The following CNTN5 variants were observed in gnomAD, a reference collection of about 807,000 sequenced individuals.
CNTN5 encodes the protein contactin-5.
CNTN5 carries 77 observed loss-of-function variants against 129.1 expected under a neutral mutation model. The ratio of observed to expected loss-of-function variants is 0.60; its 90% CI spans 0.50 to 0.72. The LOEUF (loss-of-function observed/expected upper bound fraction) is 0.72. CNTN5 is among the 30% of genes least tolerant of loss of function. The pLI is 0.00. For missense variants in CNTN5, 1,478 were observed against 1,328.8 expected (o/e 1.11, Z -1.75); for synonymous variants, 509 against 465.6 (o/e 1.09, Z -1.20).
intron 1 of CNTN5, among the ~76,000 whole-genome samples, chr11:99,323,421 C>T (rs1361527023): frequency 6.6e-6 from 1 of 152,076 alleles, no homozygotes; most frequent in South Asian, 2.1e-4. Flanking sequence ...ACAACCATCA[C>T]CACAACAATA....
At chr11:99,889,332 G>GTGTT (rs1948993182) in intron 6 of CNTN5, among the ~76,000 whole-genome samples, 4 of 47,530 alleles carry the variant, frequency 8.4e-5, no homozygotes, top group African/African-American at 2.4e-4. Context: ...GTGTGTGTGT[G>GTGTT]TGTGTGTGTG....
intron 2 of CNTN5, among the ~76,000 whole-genome samples, chr11:99,493,946 A>G (rs1946131365): frequency 6.6e-6 from 1 of 152,228 alleles, no homozygotes; most frequent in Admixed American, 6.5e-5. Context: ...ATTAAATTTA[A>G]TAACTTTAAA....
At chr11:99,561,742 C>T (rs2050125105) in intron 3 of CNTN5, among the ~76,000 whole-genome samples, 1 of 834 alleles carries the variant, frequency 1.2e-3, no homozygotes, top group Admixed American at 0.022. Flanking sequence ...TCGAAGTCAT[C>T]AAAACTTAGG....
intron 1 of CNTN5, among the ~76,000 whole-genome samples, chr11:99,281,089 A>T (rs2135888433): frequency 6.6e-6 from 1 of 152,068 alleles, no homozygotes; most frequent in Middle Eastern, 3.4e-3. Flanking sequence ...GAAGATATTA[A>T]TCAGAATAAG....
At chr11:99,168,177 C>G (rs1413719301) in intron 1 of CNTN5, among the ~76,000 whole-genome samples, 3 of 152,098 alleles carry the variant, frequency 2.0e-5, no homozygotes, top group African/African-American at 7.2e-5. Context: ...CTCCTGGGCT[C>G]AAGTGATCTG....
intron 2 of CNTN5, among the ~76,000 whole-genome samples, chr11:99,334,971 T>C (rs371895620): frequency 8.5e-5 from 13 of 152,138 alleles, no homozygotes; most frequent in Non-Finnish European, 1.9e-4. Context: ...CAAAGCCAAA[T>C]AGACATGCTT....
At chr11:99,444,090 C>T (rs1317379250) in intron 2 of CNTN5, among the ~76,000 whole-genome samples, 1 of 151,620 alleles carries the variant, frequency 6.6e-6, no homozygotes, top group Non-Finnish European at 1.5e-5. Flanking sequence ...CCCAGCTCTT[C>T]GGGAGGGTTG....
intron 1 of CNTN5, among the ~76,000 whole-genome samples, chr11:99,065,549 CAT>C (rs1473511326): frequency 1.3e-5 from 2 of 152,140 alleles, no homozygotes; most frequent in African/African-American, 4.8e-5. Context: ...TGAATTATTT[CAT>C]AGTGTTGCCA....
At chr11:99,055,885 G>A (rs1010088510) in intron 1 of CNTN5, among the ~76,000 whole-genome samples, 1 of 151,862 alleles carries the variant, frequency 6.6e-6, no homozygotes, top group East Asian at 1.9e-4. Flanking sequence ...CCTTCAGACC[G>A]ATCATCCAGG....
intron 2 of CNTN5, among the ~76,000 whole-genome samples, chr11:99,358,306 G>T (rs1225989079): frequency 1.6e-5 from 2 of 127,948 alleles, no homozygotes; most frequent in African/African-American, 5.8e-5. Context: ...GTGTTAGCCA[G>T]GATGATCTCA....
chr11:99,865,088 T>A (rs1188709867), intron 6 of CNTN5, among the ~76,000 whole-genome samples: 4 of 152,188 alleles, frequency 2.6e-5, no homozygotes, highest in Non-Finnish European at 5.9e-5. Context: ...GGAGTAAGCA[T>A]CTTCCATCTC....
At chr11:99,968,886 C>G (rs538172359) in intron 8 of CNTN5, among the ~76,000 whole-genome samples, 49 of 151,636 alleles carry the variant, frequency 3.2e-4, no homozygotes, top group Non-Finnish European at 6.0e-4. Context: ...AAGTTTGTAT[C>G]AAACTCTGCA....
At chr11:99,729,298 A>G (rs1232504522) in intron 3 of CNTN5, among the ~76,000 whole-genome samples, 1 of 152,122 alleles carries the variant, frequency 6.6e-6, no homozygotes, top group South Asian at 2.1e-4. Context: ...TTAAACTGAC[A>G]TAACATTTTT....
chr11:99,032,727 C>T (rs924390738), intron 1 of CNTN5, among the ~76,000 whole-genome samples: 42 of 149,694 alleles, frequency 2.8e-4, no homozygotes, highest in Non-Finnish European at 5.7e-4. Flanking sequence ...TGCCTGTTCA[C>T]TCTGATGGTA....
intron 2 of CNTN5, among the ~76,000 whole-genome samples, chr11:99,409,564 A>G (rs1276472265): frequency 6.6e-6 from 1 of 152,268 alleles, no homozygotes; most frequent in African/African-American, 2.4e-5. Context: ...CTGTAAACAG[A>G]TAAAAATAAA....
At chr11:99,252,776 G>T (rs1021650262) in intron 1 of CNTN5, among the ~76,000 whole-genome samples, 6 of 151,962 alleles carry the variant, frequency 3.9e-5, no homozygotes, top group African/African-American at 1.4e-4. Context: ...TTACTGAATT[G>T]ATATTTCTTT....
chr11:99,888,271 G>A (rs1415073412), intron 6 of CNTN5, among the ~76,000 whole-genome samples: 1 of 152,164 alleles, frequency 6.6e-6, no homozygotes. Context: ...CACAGTGCAA[G>A]CAAGTTGCAA....
At chr11:100,355,472 C>G (rs1952501417) in intron 24 of CNTN5, among the ~76,000 whole-genome samples, 1 of 151,746 alleles carries the variant, frequency 6.6e-6, no homozygotes, top group African/African-American at 2.4e-5. Context: ...AAAATAATTA[C>G]TAAAAGAATA....
At chr11:99,598,809 G>A (rs1950225345) in intron 3 of CNTN5, among the ~76,000 whole-genome samples, 1 of 151,794 alleles carries the variant, frequency 6.6e-6, no homozygotes, top group African/African-American at 2.4e-5. Context: ...TTTTACAGTA[G>A]GGAATAATTT....
Sources: gnomAD v4.1 joint callset for allele counts (sites outside exome capture counted in the v4.1 genomes callset) on GRCh38, gnomAD v4.1.1 for gene constraint, MANE v1.5 for transcripts, NCBI Gene and HGNC (gene_info 2026-07-23, HGNC 2026-07-21) for gene names.